EPAS1: variants seen among roughly 807,000 people sequenced by gnomAD.
EPAS1 encodes the protein endothelial PAS domain-containing protein 1.
A neutral mutation model predicts 87.9 loss-of-function variants in EPAS1; 23 were observed. That is an observed-to-expected ratio of 0.26 (90% confidence interval 0.19 to 0.37). The LOEUF (loss-of-function observed/expected upper bound fraction) is 0.37, where lower values mean the gene tolerates loss of function less well. EPAS1 is among the 10% of genes least tolerant of loss of function. The pLI is 1.00. For synonymous variants in EPAS1, 508 were observed against 444.3 expected, an observed-to-expected ratio of 1.14 and a Z score of -1.80; for missense variants, 1,138 against 1,120.7, an observed-to-expected ratio of 1.02 and a Z score of -0.22.
rs1274228730 is a variant in EPAS1, at chr2:46,337,953, G to A, written c.27-8920G>A. On this transcript the variant is annotated intron_variant, in intron 1 of 15. Coordinates refer to ENST00000263734, the MANE Select transcript of EPAS1 (RefSeq NM_001430.5). ...CTGAGGGGCTGGCCTCAGGCAAAAT[G>A]GTGGCCAGCGTGTCTCACTTTGCTG... 2.0e-5 allele frequency among the ~76,000 whole-genome samples: 3 copies of A among 152,272 alleles called. 1 individual carries two copies. The South Asian group carries it at 6.2e-4, about 32-fold the overall frequency.
rs1398570837 is a variant in EPAS1 at position 46,346,835 on chromosome 2, G to A, written c.27-38G>A. On this transcript the variant is annotated intron_variant, in intron 1 of 15. Coordinates refer to ENST00000263734, the MANE Select transcript of EPAS1 (RefSeq NM_001430.5). This position sits in a 1 kb window ranked among gnomAD's most constrained non-coding sequence, Gnocchi z 4.0. Reference sequence around the variant, plus strand: ...TGGCCAGAGGTATGATAGGCTGACAGTAACCTTTCCGGGACTAACCCCTTC... The same window carrying A: ...TGGCCAGAGGTATGATAGGCTGACAATAACCTTTCCGGGACTAACCCCTTC... 6.2e-7 allele frequency: 1 copy of A among 1,611,784 alleles called. No homozygotes were observed. Among genetic ancestry groups the A allele is most frequent in the South Asian group, 1.1e-5 (1 of 90,836 alleles).
chr2:46,324,189 C>T (rs1032666656), intron 1 of EPAS1, among the ~76,000 whole-genome samples: 2 of 152,186 alleles, frequency 1.3e-5, no homozygotes, highest in Non-Finnish European at 2.9e-5. Flanking sequence ...TCCTCACCCT[C>T]CTGAGTAGCT....
rs1684365443 is a variant in EPAS1, at chr2:46,360,595, T to C, written c.455-43T>C. ...TGGGCCCCTCTCATGAATATCCATATAAAACTGACTTCAGCTGGTTCTTCC... is the reference window on the plus strand; with the variant it reads ...TGGGCCCCTCTCATGAATATCCATACAAAACTGACTTCAGCTGGTTCTTCC... On this transcript the variant is annotated intron_variant, in intron 4 of 15. Coordinates refer to ENST00000263734, the MANE Select transcript of EPAS1 (RefSeq NM_001430.5). The surrounding 1 kb of genome is among the most constrained non-coding windows in gnomAD (Gnocchi z 4.5). The C allele has an allele frequency of 6.4e-7, 1 of 1,566,458 alleles. No individual in the cohort carries two copies. Among genetic ancestry groups the C allele is most frequent in the Non-Finnish European group, 8.8e-7 (1 of 1,136,872 alleles).
chr2:46,321,683 C>T (rs1683456236), intron 1 of EPAS1, among the ~76,000 whole-genome samples: 1 of 151,830 alleles, frequency 6.6e-6, no homozygotes, highest in African/African-American at 2.4e-5. Context: ...TCCTTGCCCC[C>T]CACCCCACCC....
intron 1 of EPAS1, among the ~76,000 whole-genome samples, chr2:46,330,928 C>CT (rs1012721382): frequency 4.4e-4 from 64 of 147,066 alleles, no homozygotes; most frequent in Middle Eastern, 3.6e-3. Flanking sequence ...CTTGAGGAGT[C>CT]TTTTTTTTTT....
intron 4 of EPAS1, among the ~76,000 whole-genome samples, chr2:46,357,577 G>T (rs1684294285): frequency 6.6e-6 from 1 of 152,208 alleles, no homozygotes; most frequent in Non-Finnish European, 1.5e-5. Flanking sequence ...CCATCTTGTT[G>T]GTTAGAGCAT....
intron 1 of EPAS1, among the ~76,000 whole-genome samples, chr2:46,313,091 A>G (rs1261933497): frequency 6.6e-6 from 1 of 152,238 alleles, no homozygotes; most frequent in Admixed American, 6.5e-5. Context: ...AGCTACTAGC[A>G]GAGAAACAGA....
chr2:46,370,230 G>A (rs1377957072), intron 7 of EPAS1, among the ~76,000 whole-genome samples: 2 of 152,218 alleles, frequency 1.3e-5, no homozygotes, highest in Admixed American at 6.5e-5. Flanking sequence ...CCACCTCCAC[G>A]GAGTGCCTGT....
chr2:46,314,526 C>G (rs1459800797), intron 1 of EPAS1, among the ~76,000 whole-genome samples: 1 of 152,202 alleles, frequency 6.6e-6, no homozygotes, highest in East Asian at 1.9e-4. Context: ...AAGGCAAGTG[C>G]CAATCAGCTG....
chr2:46,326,816 T>G (rs556985202), intron 1 of EPAS1, among the ~76,000 whole-genome samples: 2 of 152,162 alleles, frequency 1.3e-5, no homozygotes, highest in Admixed American at 1.3e-4. Context: ...TACCCTGATA[T>G]GGAAATAGGG....
Position 46,356,951 on chromosome 2 carries a change from C to G in EPAS1, c.454+143C>G, listed in dbSNP as rs17035050. ...TCCTTAAAAAATTTAAGTATGTAGC[C>G]TGTGAGATGAGATTGGGGCATTGAG... On this transcript the variant is annotated intron_variant, in intron 4 of 15. Coordinates refer to ENST00000263734, the MANE Select transcript of EPAS1 (RefSeq NM_001430.5). 2,178 of 688,262 alleles carry G rather than the reference C, an allele frequency of 3.2e-3. 23 individuals are homozygous for G. In the African/African-American group the frequency reaches 0.034, roughly 11 times the overall value. The allele number at this position is 688,262 out of a possible 1,614,324, so 42.6% of individuals were successfully genotyped here.
Position 46,361,062 on chromosome 2 carries a change from G to A in EPAS1, c.751G>A (p.Asp251Asn). ...GACCTTCCTGAGCCGCCACAGCATG[G>A]ACATGAAGTTCACCTACTGTGATGA... Reference protein sequence around the residue: ...SKTFLSRHSMDMKFTYCDDRI... With the variant: ...SKTFLSRHSMNMKFTYCDDRI... The change falls in exon 6 of 16, where the codon GAC becomes AAC. Residue 251 changes from aspartate (D) to asparagine (N), a missense_variant. Asp to Asn is a conservative substitution (Grantham distance 23). This residue lies in a region of EPAS1 where 351 missense variants were observed against 417.1 expected (regional missense o/e 0.84). Coordinates refer to ENST00000263734, the MANE Select transcript of EPAS1 (RefSeq NM_001430.5). 9.3e-6 allele frequency: 15 copies of A among 1,614,166 alleles called. No individual in the cohort carries two copies. The highest frequency in any genetic ancestry group is 1.3e-5 in the Non-Finnish European group (15 of 1,180,044).
chr2:46,307,113 T>G (rs1425189433), intron 1 of EPAS1, among the ~76,000 whole-genome samples: 1 of 152,242 alleles, frequency 6.6e-6, no homozygotes, highest in Non-Finnish European at 1.5e-5. Context: ...TAAACCACTG[T>G]ACCCTTGTAT....
At chr2:46,338,190 C>G (rs1204385674) in intron 1 of EPAS1, among the ~76,000 whole-genome samples, 2 of 152,140 alleles carry the variant, frequency 1.3e-5, no homozygotes, top group African/African-American at 4.8e-5. Flanking sequence ...TGGGTGATGG[C>G]TGGGCATGCC....
intron 7 of EPAS1, among the ~76,000 whole-genome samples, chr2:46,373,869 A>G (rs921228826): frequency 1.3e-5 from 2 of 152,236 alleles, no homozygotes; most frequent in Non-Finnish European, 2.9e-5. Flanking sequence ...TACTGTTTCC[A>G]CTGAGGTGGT....
rs1684917534 is a variant in EPAS1 at position 46,382,341 on chromosome 2, T to C, written c.2288-84T>C. On this transcript the variant is annotated intron_variant, in intron 14 of 15. Transcript: ENST00000263734. ...TTCTGGTGACTCTGAGCACCTTTTA[T>C]AAAGGAAAGGGATGCTAGGGCTTCC... The C allele has an allele frequency of 3.2e-6, 5 of 1,555,924 alleles. No homozygotes were observed. The Admixed American group carries it at 8.3e-5, about 26-fold the overall frequency.
intron 1 of EPAS1, among the ~76,000 whole-genome samples, chr2:46,327,916 C>T (rs71423906): frequency 6.6e-6 from 1 of 152,326 alleles, no homozygotes; most frequent in East Asian, 1.9e-4. Flanking sequence ...CTCATGCCTC[C>T]TGAGCCAGCC....
chr2:46,318,334 G>A (rs908709411), intron 1 of EPAS1, among the ~76,000 whole-genome samples: 6 of 152,116 alleles, frequency 3.9e-5, no homozygotes, highest in South Asian at 2.1e-4. Context: ...ATCACTGATC[G>A]CAGATCATTA....
intron 1 of EPAS1, among the ~76,000 whole-genome samples, chr2:46,328,721 T>G (rs1683612765): frequency 6.6e-6 from 1 of 152,226 alleles, no homozygotes; most frequent in Admixed American, 6.5e-5. Flanking sequence ...AGCAATCACT[T>G]AGAACAGTGG....
Sources: allele counts gnomAD v4.1 joint callset (sites outside exome capture counted in the v4.1 genomes callset), GRCh38; gene constraint gnomAD v4.1.1; regional missense constraint gnomAD v4.1.1; non-coding constraint Gnocchi (gnomAD v3.1); transcripts MANE v1.5; gene names NCBI Gene and HGNC (gene_info 2026-07-23, HGNC 2026-07-21).